Variants in AKAP6 observed in about 807,000 individuals in gnomAD.
The protein encoded by AKAP6 is A-kinase anchoring protein 6.
AKAP6 carries 58 observed loss-of-function variants against 188.5 expected under a neutral mutation model. The ratio of observed to expected loss-of-function variants is 0.31; its 90% CI spans 0.25 to 0.38. The LOEUF (loss-of-function observed/expected upper bound fraction) is 0.38, where lower values mean the gene tolerates loss of function less well. AKAP6 is among the 10% of genes least tolerant of loss of function. AKAP6 has a pLI of 1.00. For missense variants in AKAP6, 2,710 were observed against 2,740.0 expected (o/e 0.99, Z 0.24); for synonymous variants, 989 against 998.6 (o/e 0.99, Z 0.18).
At chr14:32,751,867 C>T (rs975775107) in intron 11 of AKAP6, among the ~76,000 whole-genome samples, 19 of 152,122 alleles carry the variant, frequency 1.2e-4, no homozygotes, top group African/African-American at 4.6e-4. Flanking sequence ...TTCAAAAGTA[C>T]CAACTTATCT....
chr14:32,406,372 G>A lies in AKAP6; in HGVS notation c.-34-27088G>A, dbSNP rs537229333. Reference sequence around the variant, plus strand: ...TTACAGGCATGTGCCACTATGCCCAGCTAATTTTTGTATTTTTAGTAGAGA... The same window carrying A: ...TTACAGGCATGTGCCACTATGCCCAACTAATTTTTGTATTTTTAGTAGAGA... On this transcript the variant is annotated intron_variant, in intron 1 of 13. Transcript: ENST00000280979. Among the ~76,000 whole-genome samples the A allele has an allele frequency of 3.3e-5, 5 of 152,222 alleles. No homozygotes were observed. In the East Asian group the frequency reaches 5.8e-4, roughly 18 times the overall value.
intron 8 of AKAP6, among the ~76,000 whole-genome samples, chr14:32,686,208 G>A (rs1035295062): frequency 1.8e-5 from 2 of 111,120 alleles, no homozygotes; most frequent in African/African-American, 8.0e-5. Flanking sequence ...ACATTGCATG[G>A]TCTCACTTTA....
At chr14:32,780,422 T>C (rs2033213945) in intron 12 of AKAP6, among the ~76,000 whole-genome samples, 1 of 152,146 alleles carries the variant, frequency 6.6e-6, no homozygotes, top group African/African-American at 2.4e-5. Flanking sequence ...GTTATGGTCC[T>C]ATTAAAAAAT....
chr14:32,447,745 A>G (rs1890803214), intron 2 of AKAP6, among the ~76,000 whole-genome samples: 1 of 152,210 alleles, frequency 6.6e-6, no homozygotes, highest in African/African-American at 2.4e-5. Flanking sequence ...AGAATTATGC[A>G]TCTCCCTCCA....
chr14:32,708,077 C>T (rs1232810847), intron 9 of AKAP6, among the ~76,000 whole-genome samples: 1 of 152,064 alleles, frequency 6.6e-6, no homozygotes, highest in Non-Finnish European at 1.5e-5. Context: ...TATTTAGATA[C>T]ATACGGGTAT....
chr14:32,648,927 T>C (rs561170858), intron 7 of AKAP6, among the ~76,000 whole-genome samples: 1 of 152,272 alleles, frequency 6.6e-6, no homozygotes, highest in Admixed American at 6.5e-5. Context: ...AAATATAAGT[T>C]TGAAGTTAGT....
chr14:32,576,927 C>T (rs531698008), intron 4 of AKAP6, among the ~76,000 whole-genome samples, 193 bp from the exon 5 acceptor site: 2 of 152,172 alleles, frequency 1.3e-5, no homozygotes, highest in South Asian at 2.1e-4. Context: ...AGTTTCTTTC[C>T]CATTTTGGTA....
At chr14:32,492,337 A>AATATATATATAT (rs148154496) in intron 2 of AKAP6, among the ~76,000 whole-genome samples, 891 of 76,518 alleles carry the variant, frequency 0.012, 13 homozygotes, top group South Asian at 0.015. Context: ...ACTACATTGT[A>AATATATATATAT]ATATATATAT....
At chr14:32,722,603 C>T (rs889121950) in intron 9 of AKAP6, among the ~76,000 whole-genome samples, 2 of 152,128 alleles carry the variant, frequency 1.3e-5, no homozygotes, top group Non-Finnish European at 1.5e-5. Context: ...CAGAGCAGTG[C>T]AGCACAGAAG....
intron 7 of AKAP6, among the ~76,000 whole-genome samples, chr14:32,670,997 C>G (rs182597659): frequency 6.6e-6 from 1 of 152,218 alleles, no homozygotes; most frequent in East Asian, 1.9e-4. Context: ...GCAGTAAACA[C>G]ATAAACAAAA....
At chr14:32,725,125 C>T (rs769816752) in intron 9 of AKAP6, among the ~76,000 whole-genome samples, 8 of 150,908 alleles carry the variant, frequency 5.3e-5, no homozygotes, top group Non-Finnish European at 1.2e-4. Flanking sequence ...TGCCTGCTTA[C>T]GTTTTTTGCC....
chr14:32,813,061 A>C (rs752963798), intron 12 of AKAP6, among the ~76,000 whole-genome samples: 1 of 152,130 alleles, frequency 6.6e-6, no homozygotes, highest in Non-Finnish European at 1.5e-5. Flanking sequence ...GACTGCCTTC[A>C]CTTCAGATGC....
chr14:32,643,590 G>A (rs1460157217), intron 7 of AKAP6, among the ~76,000 whole-genome samples: 1 of 152,160 alleles, frequency 6.6e-6, no homozygotes, highest in Non-Finnish European at 1.5e-5. Flanking sequence ...ACAGGCATGA[G>A]CCACCACACC....
intron 11 of AKAP6, among the ~76,000 whole-genome samples, chr14:32,742,993 T>C (rs1037851537): frequency 9.9e-5 from 15 of 152,124 alleles, no homozygotes; most frequent in African/African-American, 3.6e-4. Context: ...TATTACTGTG[T>C]TGGGGCCTAT....
chr14:32,804,190 T>C (rs2034028768), intron 12 of AKAP6, among the ~76,000 whole-genome samples: 2 of 152,226 alleles, frequency 1.3e-5, no homozygotes, highest in East Asian at 3.8e-4. Context: ...CACTTACCTA[T>C]AGCCTGTAAT....
chr14:32,480,010 G>T (rs1879258295), intron 2 of AKAP6, among the ~76,000 whole-genome samples: 1 of 152,158 alleles, frequency 6.6e-6, no homozygotes, highest in South Asian at 2.1e-4. Flanking sequence ...CTGTGGGGCT[G>T]ATTTAGGATT....
intron 5 of AKAP6, among the ~76,000 whole-genome samples, chr14:32,578,452 G>C (rs1884825311): frequency 6.6e-6 from 1 of 152,052 alleles, no homozygotes; most frequent in East Asian, 1.9e-4. Context: ...CACCTCTCTT[G>C]TACATGGGTT....
chr14:32,581,905 GT>G (rs1441740188), intron 5 of AKAP6, among the ~76,000 whole-genome samples: 1 of 152,208 alleles, frequency 6.6e-6, no homozygotes, highest in East Asian at 1.9e-4. Context: ...CATGAGATGG[GT>G]TTCCTGAATA....
chr14:32,522,143 A>C (rs981515625), intron 2 of AKAP6, among the ~76,000 whole-genome samples: 21 of 152,212 alleles, frequency 1.4e-4, no homozygotes, highest in Admixed American at 1.2e-3. Context: ...TATATGTAGA[A>C]ATCTGAAACT....
Sources: gnomAD v4.1 joint callset for allele counts (sites outside exome capture counted in the v4.1 genomes callset) on GRCh38, gnomAD v4.1.1 for gene constraint, MANE v1.5 for transcripts, NCBI Gene and HGNC (gene_info 2026-07-23, HGNC 2026-07-21) for gene names.